PRUNE2: variants seen among roughly 807,000 people sequenced by gnomAD.
The protein encoded by PRUNE2 is protein prune homolog 2.
Under a neutral mutation model 252.0 loss-of-function variants are expected in PRUNE2, and 164 were observed. The ratio of observed to expected loss-of-function variants is 0.65; its 90% CI spans 0.57 to 0.74. PRUNE2 has a LOEUF of 0.74. PRUNE2 is among the 30% of genes least tolerant of loss of function. The probability of loss-of-function intolerance (pLI) is 0.00; values close to 1 mark genes in which losing one functional copy is unlikely to be tolerated. For missense variants in PRUNE2, 3,495 were observed against 3,711.0 expected, an observed-to-expected ratio of 0.94 and a Z score of 1.51; for synonymous variants, 1,292 against 1,350.2, an observed-to-expected ratio of 0.96 and a Z score of 0.94.
At chr9:76,620,476 A>G (rs534497391) in intron 17 of PRUNE2, among the ~76,000 whole-genome samples, 1 of 152,150 alleles carries the variant, frequency 6.6e-6, no homozygotes, top group South Asian at 2.1e-4. Flanking sequence ...AACAAACACT[A>G]TTCTATTTAA....
intron 9 of PRUNE2, among the ~76,000 whole-genome samples, chr9:76,659,060 G>A (rs1850305361): frequency 6.6e-6 from 1 of 152,222 alleles, no homozygotes; most frequent in Non-Finnish European, 1.5e-5. Flanking sequence ...TTCCCACATA[G>A]GTGGCTGTGG....
intron 6 of PRUNE2, among the ~76,000 whole-genome samples, chr9:76,791,069 G>A (rs368517639): frequency 6.6e-6 from 1 of 152,308 alleles, no homozygotes; most frequent in Admixed American, 6.5e-5. Flanking sequence ...GACTGCCAGA[G>A]GTTGAGGGAT....
chr9:76,880,216 GGCCTGTCATTTTTTAAA>G (rs1285182805), intron 1 of PRUNE2, among the ~76,000 whole-genome samples: 1 of 151,876 alleles, frequency 6.6e-6, no homozygotes, highest in Non-Finnish European at 1.5e-5. Context: ...CCTGGCCAGA[GGCCTGTCATTTTTTAAA>G]GCCATCCATG....
chr9:76,669,649 G>T (rs1209131460), intron 9 of PRUNE2, among the ~76,000 whole-genome samples: 1 of 152,180 alleles, frequency 6.6e-6, no homozygotes, highest in Non-Finnish European at 1.5e-5. Flanking sequence ...GCTCAGGCAG[G>T]ATCAGGGCAG....
In PRUNE2 at chr9:76,706,379, T is replaced by C. The variant is rs760318347; in HGVS notation, c.5895A>G (p.Pro1965=). The change falls in exon 8 of 19, where the codon CCA becomes CCG. Residue 1965 remains proline (P), a synonymous_variant. Transcript: ENST00000376718. ...TQEQCQDTML[P]VCDHPDTAFT... The stretch of plus-strand genomic sequence containing the variant: ...AGGCTGTGTCCGGATGATCACAGAC[T>C]GGCAGCATGGTGTCCTGACACTGCT... 13 of 1,614,050 alleles carry C rather than the reference T, an allele frequency of 8.1e-6. No individual in the cohort carries two copies. The highest frequency in any genetic ancestry group is 1.6e-4 in the Middle Eastern group (1 of 6,062).
intron 4 of PRUNE2, among the ~76,000 whole-genome samples, chr9:76,840,884 C>T (rs1190144592): frequency 6.6e-6 from 1 of 151,824 alleles, no homozygotes; most frequent in African/African-American, 2.4e-5. Context: ...GAGAGGCTGA[C>T]GCAGGAGAAT....
intron 18 of PRUNE2, among the ~76,000 whole-genome samples, chr9:76,617,667 A>G (rs1830357870): frequency 6.6e-6 from 1 of 152,226 alleles, no homozygotes; most frequent in Admixed American, 6.5e-5. Context: ...GGAAGTAACA[A>G]TAACAATTTG....
chr9:76,643,740 T>C (rs1171914662), intron 12 of PRUNE2, among the ~76,000 whole-genome samples: 3 of 152,240 alleles, frequency 2.0e-5, no homozygotes, highest in African/African-American at 7.2e-5. Context: ...GTGGTCCTGA[T>C]ACTTATGTGG....
intron 9 of PRUNE2, among the ~76,000 whole-genome samples, chr9:76,677,308 T>C (rs1348801250): frequency 6.6e-6 from 1 of 152,244 alleles, no homozygotes; most frequent in East Asian, 1.9e-4. Context: ...ATTTTATTTA[T>C]GTTCTTGTCC....
chr9:76,771,165 A>G (rs1172594499), intron 6 of PRUNE2, among the ~76,000 whole-genome samples: 1 of 152,232 alleles, frequency 6.6e-6, no homozygotes, highest in Non-Finnish European at 1.5e-5. Flanking sequence ...CATGATTTAA[A>G]TATCATATAA....
In PRUNE2 at chr9:76,652,638, A is replaced by T; in HGVS notation, c.8402T>A (p.Ile2801Asn). The stretch of plus-strand genomic sequence containing the variant: ...ATTGATATTTGGGGCTGTGAGCTTG[A>T]TTCTCCGAGGATGAGTGTCATTAAG... ...LDLNDTHPRRIKLTAPNINLS... is the reference protein window; with the variant it reads ...LDLNDTHPRRNKLTAPNINLS... The change falls in exon 11 of 19, where the codon ATC (isoleucine) becomes AAC (asparagine). Residue 2801 changes from isoleucine (I) to asparagine (N), a missense_variant. Physicochemically the swap from Ile to Asn is moderately radical, Grantham distance 149. Coordinates refer to ENST00000376718, the MANE Select transcript of PRUNE2 (RefSeq NM_015225.3). 1 of 1,613,170 alleles carries T rather than the reference A, an allele frequency of 6.2e-7. No homozygotes were observed. The highest frequency in any genetic ancestry group is 1.7e-5 in the Admixed American group (1 of 59,986).
intron 6 of PRUNE2, among the ~76,000 whole-genome samples, chr9:76,802,022 T>A (rs2056593540): frequency 6.6e-6 from 1 of 152,078 alleles, no homozygotes; most frequent in East Asian, 1.9e-4. Flanking sequence ...CACAGGCAAA[T>A]CTAACATACT....
At chr9:76,638,332 T>G in intron 12 of PRUNE2, 44 bp from the exon 13 acceptor site, 4 of 1,346,778 alleles carry the variant, frequency 3.0e-6, no homozygotes, top group Non-Finnish European at 3.2e-6. Context: ...TTGAAAGCTC[T>G]TAACAAGGTA....
At chr9:76,903,793 G>A (rs1344675082) in intron 1 of PRUNE2, among the ~76,000 whole-genome samples, 1 of 151,968 alleles carries the variant, frequency 6.6e-6, no homozygotes, top group Admixed American at 6.5e-5. Flanking sequence ...TCACCATGTT[G>A]GCCAGGCTGG....
At chr9:76,671,508 A>G (rs1027818315) in intron 9 of PRUNE2, among the ~76,000 whole-genome samples, 3 of 152,178 alleles carry the variant, frequency 2.0e-5, no homozygotes, top group South Asian at 2.1e-4. Context: ...AATGTCCCCA[A>G]TCTAGCAAGG....
At chr9:76,773,420 A>T (rs2053333308) in intron 6 of PRUNE2, among the ~76,000 whole-genome samples, 1 of 150,284 alleles carries the variant, frequency 6.7e-6, no homozygotes, top group Non-Finnish European at 1.5e-5. Context: ...CAGTCACATC[A>T]CATACACACT....
At chr9:76,764,123 C>T (rs1589084620) in intron 6 of PRUNE2, among the ~76,000 whole-genome samples, 1 of 152,162 alleles carries the variant, frequency 6.6e-6, no homozygotes, top group Admixed American at 6.5e-5. Context: ...TTCTGAACAA[C>T]TCCTGTGTTT....
At chr9:76,766,474 G>C (rs1589102202) in intron 6 of PRUNE2, among the ~76,000 whole-genome samples, 1 of 152,116 alleles carries the variant, frequency 6.6e-6, no homozygotes, top group Non-Finnish European at 1.5e-5. Context: ...ACACATATTA[G>C]ATTCTGCATC....
intron 11 of PRUNE2, among the ~76,000 whole-genome samples, chr9:76,647,956 G>A (rs944576780): frequency 3.3e-5 from 5 of 152,056 alleles, no homozygotes; most frequent in Non-Finnish European, 5.9e-5. Flanking sequence ...ACGAGACTGT[G>A]TCTCAAAAAC....
Sources: allele counts gnomAD v4.1 joint callset (sites outside exome capture counted in the v4.1 genomes callset), GRCh38; gene constraint gnomAD v4.1.1; transcripts MANE v1.5; gene names NCBI Gene and HGNC (gene_info 2026-07-23, HGNC 2026-07-21).